SLC39A11: variants seen among roughly 807,000 people sequenced by gnomAD.
SLC39A11 encodes solute carrier family 39 member 11, also known as zinc transporter ZIP11.
Under a neutral mutation model 36.1 loss-of-function variants are expected in SLC39A11, and 33 were observed. That is an observed-to-expected ratio of 0.91 (90% CI 0.69 to 1.22). The LOEUF is 1.22. SLC39A11 is among the 50% of genes most tolerant of loss of function. The probability of loss-of-function intolerance (pLI) is 0.00; values close to 1 mark genes in which losing one functional copy is unlikely to be tolerated. For missense variants in SLC39A11, 432 were observed against 430.3 expected (o/e 1.00, Z -0.03); for synonymous variants, 166 against 170.3 (o/e 0.97, Z 0.20).
intron 5 of SLC39A11, among the ~76,000 whole-genome samples, chr17:72,882,076 G>T (rs148692172): frequency 2.0e-5 from 3 of 152,144 alleles, no homozygotes; most frequent in Non-Finnish European, 4.4e-5. Flanking sequence ...CGGCCGGGCC[G>T]GTGTGGTGGC....
At chr17:72,792,168 G>A (rs184775036) in intron 6 of SLC39A11, among the ~76,000 whole-genome samples, 1 of 152,342 alleles carries the variant, frequency 6.6e-6, no homozygotes, top group East Asian at 1.9e-4. Flanking sequence ...GCACAGACTA[G>A]TGACATAACT....
At chr17:72,778,782 C>T (rs1355654071) in intron 6 of SLC39A11, among the ~76,000 whole-genome samples, 1 of 152,216 alleles carries the variant, frequency 6.6e-6, no homozygotes, top group Non-Finnish European at 1.5e-5. Context: ...AAGACCTTTT[C>T]CCTTCCACAT....
intron 3 of SLC39A11, among the ~76,000 whole-genome samples, chr17:73,063,014 G>A (rs538487368): frequency 1.1e-4 from 16 of 152,286 alleles, no homozygotes; most frequent in Non-Finnish European, 2.4e-4. Flanking sequence ...ACAGGCCACA[G>A]ACCAGTAAGT....
chr17:72,723,570 G>T (rs1186420032), intron 7 of SLC39A11, among the ~76,000 whole-genome samples: 1 of 152,168 alleles, frequency 6.6e-6, no homozygotes, highest in Non-Finnish European at 1.5e-5. Flanking sequence ...GCTAACTTCA[G>T]AACACCCCAA....
At chr17:72,677,208 C>A (rs1171838254) in intron 7 of SLC39A11, among the ~76,000 whole-genome samples, 1 of 152,186 alleles carries the variant, frequency 6.6e-6, no homozygotes, top group Non-Finnish European at 1.5e-5. Flanking sequence ...AGGCAGCCAG[C>A]ATTCCTGACC....
At chr17:72,710,407 G>A (rs1286417852) in intron 7 of SLC39A11, among the ~76,000 whole-genome samples, 1 of 152,174 alleles carries the variant, frequency 6.6e-6, no homozygotes, top group East Asian at 1.9e-4. Context: ...GGGGCTTTTG[G>A]GGAAGTGATT....
chr17:73,062,917 T>A (rs1235860305), intron 3 of SLC39A11, among the ~76,000 whole-genome samples: 1 of 152,120 alleles, frequency 6.6e-6, no homozygotes, highest in Non-Finnish European at 1.5e-5. Flanking sequence ...CAGGAGGTAA[T>A]GAGAGCAATG....
chr17:72,750,584 C>T (rs1362432375), intron 6 of SLC39A11, among the ~76,000 whole-genome samples: 1 of 151,812 alleles, frequency 6.6e-6, no homozygotes, highest in African/African-American at 2.4e-5. Context: ...GATGAATAAC[C>T]TAAGATACAG....
chr17:73,027,244 CCTGT>C (rs1260123961), intron 4 of SLC39A11, among the ~76,000 whole-genome samples: 41 of 152,046 alleles, frequency 2.7e-4, no homozygotes, highest in African/African-American at 9.1e-4. Flanking sequence ...TGTTCAGTGT[CCTGT>C]CTGTTTCTGC....
intron 1 of SLC39A11, among the ~76,000 whole-genome samples, chr17:73,090,409 A>T (rs1006371771): frequency 6.6e-6 from 1 of 152,172 alleles, no homozygotes; most frequent in African/African-American, 2.4e-5. Context: ...GAAAAAAAAA[A>T]TCATTTTCAA....
chr17:73,028,789 C>T (rs1231827955), intron 4 of SLC39A11, among the ~76,000 whole-genome samples: 2 of 134,816 alleles, frequency 1.5e-5, no homozygotes, highest in Non-Finnish European at 3.2e-5. Flanking sequence ...TATATTAGAA[C>T]AAATATGAAC....
At chr17:72,748,392 C>T (rs2075027143) in intron 6 of SLC39A11, among the ~76,000 whole-genome samples, 1 of 152,048 alleles carries the variant, frequency 6.6e-6, no homozygotes, top group Non-Finnish European at 1.5e-5. Flanking sequence ...ATTGAAGATA[C>T]TCTAACATGA....
intron 6 of SLC39A11, among the ~76,000 whole-genome samples, chr17:72,841,632 C>G (rs2078813644): frequency 6.6e-6 from 1 of 152,114 alleles, no homozygotes; most frequent in South Asian, 2.1e-4. Flanking sequence ...TAGTAGTTGA[C>G]AGCACAACAG....
At chr17:72,837,961 G>A in intron 6 of SLC39A11, 1 of 1,230,694 alleles carries the variant, frequency 8.1e-7, no homozygotes, top group African/African-American at 1.6e-5. Flanking sequence ...AGAGTGTGGG[G>A]TTTCTTTACA....
rs187474155 is a variant in SLC39A11 at position 72,899,264 on chromosome 17, C to A, written c.430+48488G>T. On this transcript the variant is annotated intron_variant, in intron 5 of 9. Coordinates refer to ENST00000255559, the MANE Select transcript of SLC39A11 (RefSeq NM_139177.4). ...CCCCACCTTGCCCCTCCCCTGCCAC[C>A]ACTCTTGCTGGGGTGGAAATACAGG... Among the ~76,000 whole-genome samples, 1,030 of 152,098 alleles carry A rather than the reference C, an allele frequency of 6.8e-3. 11 individuals are homozygous for A. Among genetic ancestry groups the A allele is most frequent in the African/African-American group, 0.024 (993 of 41,478 alleles).
intron 4 of SLC39A11, among the ~76,000 whole-genome samples, chr17:73,015,526 C>T (rs116397014): frequency 1.3e-3 from 192 of 152,278 alleles, no homozygotes; most frequent in African/African-American, 4.6e-3. Context: ...CCCAATAACT[C>T]GTCCTTAACA....
chr17:73,039,372 T>C (rs1369129317), intron 3 of SLC39A11, among the ~76,000 whole-genome samples: 1 of 152,178 alleles, frequency 6.6e-6, no homozygotes, highest in Admixed American at 6.5e-5. Flanking sequence ...CCCCAGAACG[T>C]CGCACATGCC....
At chr17:72,869,420 G>A (rs965609157) in intron 5 of SLC39A11, among the ~76,000 whole-genome samples, 50 of 152,218 alleles carry the variant, frequency 3.3e-4, no homozygotes, top group African/African-American at 9.9e-4. Flanking sequence ...ATGGAGTTTC[G>A]CTCTTGTTGC....
intron 4 of SLC39A11, among the ~76,000 whole-genome samples, chr17:72,986,079 G>A (rs975967561): frequency 2.6e-5 from 4 of 152,110 alleles, no homozygotes; most frequent in Admixed American, 6.5e-5. Flanking sequence ...CTGACATCTT[G>A]AGGTCAGAAT....
Sources: allele counts gnomAD v4.1 joint callset (sites outside exome capture counted in the v4.1 genomes callset), GRCh38; gene constraint gnomAD v4.1.1; transcripts MANE v1.5; gene names NCBI Gene and HGNC (gene_info 2026-07-23, HGNC 2026-07-21).